THRAP3: variants seen among roughly 807,000 people sequenced by gnomAD.
THRAP3 encodes the protein thyroid hormone receptor-associated protein 3.
Under a neutral mutation model 101.0 loss-of-function variants are expected in THRAP3, and 16 were observed. The observed-to-expected ratio is 0.16, with a 90% CI of 0.11 to 0.24. The LOEUF (loss-of-function observed/expected upper bound fraction) is 0.24, where lower values mean the gene tolerates loss of function less well. Among genes scored for constraint, THRAP3 ranks in the 10% least tolerant of loss-of-function variants. The pLI is 1.00. For synonymous variants in THRAP3, 407 were observed against 422.6 expected, an observed-to-expected ratio of 0.96 and a Z score of 0.45; for missense variants, 989 against 1,202.7, an observed-to-expected ratio of 0.82 and a Z score of 2.63.
At chr1:36,288,152 T>C (rs1284736427) in intron 4 of THRAP3, 1 of 966,832 alleles carries the variant, frequency 1.0e-6, no homozygotes, top group African/African-American at 1.8e-5. Context: ...TTTTATTTTA[T>C]TTATTTATTT....
At chr1:36,259,763 CAAAA>C (rs11399884) in intron 2 of THRAP3, among the ~76,000 whole-genome samples, 1 of 134,094 alleles carries the variant, frequency 7.5e-6, no homozygotes. Flanking sequence ...GACCCTGTCT[CAAAA>C]AAAAAAAAAA....
intron 1 of THRAP3, among the ~76,000 whole-genome samples, 158 bp downstream of exon 1, chr1:36,224,663 C>G (rs1229906982): frequency 6.6e-6 from 1 of 152,178 alleles, no homozygotes; most frequent in Non-Finnish European, 1.5e-5. Context: ...GAGCGGGCTC[C>G]GTTCCCTCCG....
intron 1 of THRAP3, among the ~76,000 whole-genome samples, chr1:36,240,220 AAG>A (rs1468344401): frequency 1.3e-5 from 2 of 152,170 alleles, no homozygotes; most frequent in Admixed American, 1.3e-4. Context: ...AAGCTGGGGA[AAG>A]AGAGAAGCTG....
rs1557819454 is a variant in THRAP3, at chr1:36,252,962, AT to A, written c.-134-6419del. ...TATATATATATATATATATATATAT[AT>A]ATATATAAATGTAAATAATGAGTAT... On this transcript the variant is annotated intron_variant, in intron 1 of 11. Transcript: ENST00000354618. 1.0e-3 allele frequency among the ~76,000 whole-genome samples: 145 copies of A among 139,680 alleles called. 1 individual carries two copies. The highest frequency in any genetic ancestry group is 1.9e-3 in the African/African-American group (71 of 37,310). 91.6% of individuals were successfully genotyped at this position (139,680 alleles called of 152,430 possible). A position where few individuals can be genotyped will look rare whatever the true frequency, so the allele number is the denominator to read the frequency against.
At chr1:36,242,129 T>C (rs1200316151) in intron 1 of THRAP3, 2 of 183,326 alleles carry the variant, frequency 1.1e-5, no homozygotes, top group Admixed American at 5.4e-5. Context: ...GTCTACATTC[T>C]ACTTCAGGTT....
chr1:36,267,331 A>G (rs1645528817), intron 2 of THRAP3, among the ~76,000 whole-genome samples: 1 of 152,216 alleles, frequency 6.6e-6, no homozygotes. Flanking sequence ...AGTAGTAAAA[A>G]AGGAATGTTC....
intron 1 of THRAP3, among the ~76,000 whole-genome samples, chr1:36,252,372 G>C (rs1256000603): frequency 1.3e-5 from 2 of 152,122 alleles, no homozygotes; most frequent in African/African-American, 4.8e-5. Flanking sequence ...TGATCCACCT[G>C]CCTTGGCCTC....
At chr1:36,273,795 A>T (rs1490316273) in intron 2 of THRAP3, among the ~76,000 whole-genome samples, 1 of 152,162 alleles carries the variant, frequency 6.6e-6, no homozygotes, top group Non-Finnish European at 1.5e-5. Context: ...TAATCCCAGC[A>T]CTTTGGGAGG....
chr1:36,220,972 A>AAAATATATATATATATATATAT (rs1285765741), upstream of THRAP3, among the ~76,000 whole-genome samples: 1 of 94,146 alleles, frequency 1.1e-5, no homozygotes, highest in African/African-American at 4.7e-5. Flanking sequence ...AAAAAAAAAA[A>AAAATATATATATATATATATAT]ATATATATAT....
intron 8 of THRAP3, 180 bp downstream of exon 8, chr1:36,294,115 G>C: frequency 7.2e-7 from 1 of 1,397,028 alleles, no homozygotes; most frequent in East Asian, 2.6e-5. Flanking sequence ...AACAACCTTT[G>C]TGAAGTGGTT....
intron 8 of THRAP3, 130 bp from the exon 9 acceptor site, chr1:36,296,453 G>A (rs1645952442): frequency 2.9e-6 from 2 of 687,082 alleles, no homozygotes; most frequent in Non-Finnish European, 4.8e-6. Flanking sequence ...TCCAAGCTTG[G>A]GTGAGATGCC....
At position 36,291,425 on chromosome 1, in the gene THRAP3, T is replaced by C; in HGVS notation, c.1797T>C (p.His599=). 1 of 1,614,236 alleles carries C rather than the reference T, an allele frequency of 6.2e-7. No individual in the cohort carries two copies. Among genetic ancestry groups the C allele is most frequent in the Non-Finnish European group, 8.5e-7 (1 of 1,180,036 alleles). The change falls in exon 6 of 12, where the codon CAT becomes CAC. Residue 599 remains histidine, a synonymous_variant. Transcript: ENST00000354618. ...QERKLCRDLV[H]SNKKEQEFRS... ...GCAAGCTTTGCCGAGATCTAGTCCA[T>C]AGCAACAAAAAGGAACAGGAGTTTC...
rs150817131 is a variant in THRAP3 at position 36,297,139 on chromosome 1, T to G, written c.2303+369T>G. ...GAAATGGCCCAAAGTCATTGTCAAGTAATAACACTGTTTAGTCAAAGAAAC... is the reference window on the plus strand; with the variant it reads ...GAAATGGCCCAAAGTCATTGTCAAGGAATAACACTGTTTAGTCAAAGAAAC... On this transcript the variant is annotated intron_variant, in intron 9 of 11. Coordinates refer to ENST00000354618, the MANE Select transcript of THRAP3 (RefSeq NM_005119.4). 9.8e-5 allele frequency among the ~76,000 whole-genome samples: 15 copies of G among 152,312 alleles called. No homozygotes were observed. The East Asian group carries it at 2.9e-3, about 29-fold the overall frequency.
chr1:36,241,408 TATATATATATATATATATATAC>T (rs1645157828), intron 1 of THRAP3, among the ~76,000 whole-genome samples: 2 of 66,130 alleles, frequency 3.0e-5, no homozygotes, highest in African/African-American at 8.2e-5. Context: ...TATATATATA[TATATATATATATATATATATAC>T]ACATATATAA....
intron 1 of THRAP3, among the ~76,000 whole-genome samples, chr1:36,227,756 G>A (rs931864264): frequency 6.6e-6 from 1 of 152,166 alleles, no homozygotes; most frequent in African/African-American, 2.4e-5. Flanking sequence ...GAGATTGGAG[G>A]GTAAGTAGGT....
At chr1:36,271,012 AAAGT>A (rs1390627462) in intron 2 of THRAP3, among the ~76,000 whole-genome samples, 2 of 152,186 alleles carry the variant, frequency 1.3e-5, no homozygotes, top group African/African-American at 2.4e-5. Flanking sequence ...TAAAAAAATT[AAAGT>A]AAGAAGCAAG....
chr1:36,241,259 C>T (rs1645153183), intron 1 of THRAP3, among the ~76,000 whole-genome samples: 1 of 150,696 alleles, frequency 6.6e-6, no homozygotes, highest in Non-Finnish European at 1.5e-5. Flanking sequence ...CACCTCTCAC[C>T]ACACTTGTTT....
rs1396334171 is a variant in THRAP3, at chr1:36,224,487, A to G, written c.-153A>G. 1.3e-5 allele frequency: 2 copies of G among 152,578 alleles called. No homozygotes were observed. Among genetic ancestry groups the G allele is most frequent in the East Asian group, 3.8e-4 (2 of 5,196 alleles). 9.5% of individuals were successfully genotyped at this position (152,578 alleles called of 1,614,324 possible). On this transcript the variant is annotated 5_prime_UTR_variant, in exon 1 of 12. Coordinates refer to ENST00000354618, the MANE Select transcript of THRAP3 (RefSeq NM_005119.4). ...TGTTCCGTTGCGAGCTGCAGCTGCG[A>G]TCTCTGTGGTAGGCCCAGGTGAGTG...
rs1326212057 is a variant in THRAP3, at chr1:36,259,471, A to G, written c.-45A>G. The G allele has an allele frequency of 5.0e-6, 2 of 398,504 alleles. No individual in the cohort carries two copies. The highest frequency in any genetic ancestry group is 8.8e-6 in the Non-Finnish European group (2 of 226,080). The allele number at this position is 398,504 out of a possible 1,614,324, so 24.7% of individuals were successfully genotyped here. A position where few individuals can be genotyped will look rare whatever the true frequency, so the allele number is the denominator to read the frequency against. On this transcript the variant is annotated 5_prime_UTR_variant, in exon 2 of 12. Transcript: ENST00000354618. The stretch of plus-strand genomic sequence containing the variant: ...TCTGGGATCCAGTACGAGTTGAATC[A>G]TTGTTCAAATAAGGTAAAAGCATGG...
Sources: gnomAD v4.1 joint callset for allele counts (sites outside exome capture counted in the v4.1 genomes callset) on GRCh38, gnomAD v4.1.1 for gene constraint, MANE v1.5 for transcripts, NCBI Gene and HGNC (gene_info 2026-07-23, HGNC 2026-07-21) for gene names.